HMCN2: variants seen among roughly 807,000 people sequenced by gnomAD.
HMCN2 encodes hemicentin 2.
A neutral mutation model predicts 377.5 loss-of-function variants in HMCN2; 325 were observed. The observed-to-expected ratio is 0.86, with a 90% CI of 0.79 to 0.94. The LOEUF (loss-of-function observed/expected upper bound fraction) is 0.94. HMCN2 is among the 40% of genes least tolerant of loss of function. The pLI, the probability that HMCN2 is intolerant of heterozygous loss-of-function variation, is 0.00. For missense variants in HMCN2, 4,543 were observed against 4,725.3 expected, an observed-to-expected ratio of 0.96 and a Z score of 1.13; for synonymous variants, 2,007 against 2,046.8, an observed-to-expected ratio of 0.98 and a Z score of 0.53.
At chr9:130,323,528 G>T (rs1411161498) in intron 19 of HMCN2, among the ~76,000 whole-genome samples, 1 of 152,272 alleles carries the variant, frequency 6.6e-6, no homozygotes, top group Admixed American at 6.5e-5. Flanking sequence ...AGGGAATATG[G>T]GTACCAAAAG....
chr9:130,405,274 T>C (rs2131730664), intron 81 of HMCN2, among the ~76,000 whole-genome samples: 1 of 152,332 alleles, frequency 6.6e-6, no homozygotes, highest in East Asian at 1.9e-4. Flanking sequence ...TGGACCTCGG[T>C]AGCCAGCTCC....
At chr9:130,272,956 T>A (rs1168446204) in intron 1 of HMCN2, among the ~76,000 whole-genome samples, 8 of 152,346 alleles carry the variant, frequency 5.3e-5, no homozygotes, top group Middle Eastern at 3.4e-3. Flanking sequence ...TTCCAAAAAT[T>A]TTTTTCTACT....
chr9:130,364,649 G>A, intron 40 of HMCN2, 65 bp from the exon 41 acceptor site: 1 of 881,024 alleles, frequency 1.1e-6, no homozygotes, highest in Non-Finnish European at 1.4e-6. Context: ...GACCCAGGGT[G>A]TGGCCCCTCC....
chr9:130,359,421 C>A lies in HMCN2; in HGVS notation c.5773+7C>A. 1 of 1,292,564 alleles carries A rather than the reference C, an allele frequency of 7.7e-7. No individual in the cohort carries two copies. The highest frequency in any genetic ancestry group is 1.0e-6 in the Non-Finnish European group (1 of 979,112). The allele number at this position is 1,292,564 out of a possible 1,614,324, so 80.1% of individuals were successfully genotyped here. On this transcript the variant is annotated splice_region_variant and intron_variant, in intron 37 of 97. Transcript: ENST00000683500. ...TCGGGCGTGCCCCCTCCTGGTAAGACCCCTCCTCTTGGCTGAAAGCTACTT... is the reference window on the plus strand; with the variant it reads ...TCGGGCGTGCCCCCTCCTGGTAAGAACCCTCCTCTTGGCTGAAAGCTACTT...
Position 130,349,589 on chromosome 9 carries a change from C to T in HMCN2, c.4356C>T (p.Ala1452=), listed in dbSNP as rs963725230. Residue 1452 remains alanine, a synonymous_variant, in exon 29 of 98, where the codon GCC becomes GCT. Transcript: ENST00000683500. The part of the protein sequence containing the change: ...AGAAQEVLGL[A]GADVELQCWT... ...CCGCTCAGGAGGTGCTAGGATTGGC[C>T]GGTGCAGACGTGGAGCTGCAGTGTT... 10 of 1,303,884 alleles carry T rather than the reference C, an allele frequency of 7.7e-6. No individual in the cohort carries two copies. Among genetic ancestry groups the T allele is most frequent in the African/African-American group, 4.6e-5 (3 of 65,864 alleles). 80.8% of individuals were successfully genotyped at this position (1,303,884 alleles called of 1,614,324 possible). A position where few individuals can be genotyped will look rare whatever the true frequency, so the allele number is the denominator to read the frequency against.
intron 66 of HMCN2, among the ~76,000 whole-genome samples, chr9:130,392,925 G>A (rs1046763624): frequency 2.0e-5 from 3 of 152,002 alleles, no homozygotes; most frequent in African/African-American, 7.2e-5. Flanking sequence ...GAACCCGGGA[G>A]GCGGAGCTTG....
intron 7 of HMCN2, among the ~76,000 whole-genome samples, chr9:130,298,787 T>C (rs782209978): frequency 2.0e-5 from 3 of 152,004 alleles, no homozygotes; most frequent in Non-Finnish European, 4.4e-5. Context: ...GATGCAGCCA[T>C]TGGGAAGCCG....
At chr9:130,383,812 G>A (rs1472806165) in intron 57 of HMCN2, among the ~76,000 whole-genome samples, 1 of 152,180 alleles carries the variant, frequency 6.6e-6, no homozygotes, top group Non-Finnish European at 1.5e-5. Context: ...TTTGGAGATG[G>A]CCAGGCATTA....
Position 130,357,962 on chromosome 9 carries a change from C to G in HMCN2, c.5554C>G (p.Leu1852Val), listed in dbSNP as rs1222134000. ...CCGTTGGTGGAAGGATGGTGTAGCC[C>G]TGGCAGCCTTTGGGGGGAACCTACA... ...SLRWWKDGVA[L>V]AAFGGNLQIE... The change falls in exon 35 of 98, where the codon CTG (leucine) becomes GTG (valine). Residue 1852 changes from leucine to valine, a missense_variant. By Grantham distance (32) the Leu-to-Val change is conservative. Around this residue, in one of 5 missense-constraint regions of HMCN2, gnomAD observed 1,032 missense variants for 1,285.1 expected, o/e 0.80. Coordinates refer to ENST00000683500, the MANE Select transcript of HMCN2 (RefSeq NM_001291815.2). 7.7e-7 allele frequency: 1 copy of G among 1,304,022 alleles called. No homozygotes were observed. The allele number at this position is 1,304,022 out of a possible 1,614,324, so 80.8% of individuals were successfully genotyped here.
At chr9:130,312,917 C>T (rs1837346563) in intron 15 of HMCN2, among the ~76,000 whole-genome samples, 1 of 152,084 alleles carries the variant, frequency 6.6e-6, no homozygotes, top group Non-Finnish European at 1.5e-5. Context: ...GCCTCGGCCT[C>T]CCAAAGTGCT....
chr9:130,417,535 A>C (rs954617729), intron 85 of HMCN2, among the ~76,000 whole-genome samples: 6 of 140,962 alleles, frequency 4.3e-5, no homozygotes, highest in Non-Finnish European at 9.2e-5. Context: ...AAAAAAAAAA[A>C]AACAAAAAAA....
At chr9:130,344,733 A>ATGTGTGGTGTGTGTGTG (rs1839249953) in intron 25 of HMCN2, among the ~76,000 whole-genome samples, 2 of 116,838 alleles carry the variant, frequency 1.7e-5, no homozygotes, top group African/African-American at 3.4e-5. Context: ...GTATGTGTGA[A>ATGTGTGGTGTGTGTGTG]TGTGTGGTGT....
rs781945886 is a variant in HMCN2, at chr9:130,299,273, A to G, written c.1261A>G (p.Ser421Gly). The G allele has an allele frequency of 2.1e-6, 1 of 465,314 alleles. No individual in the cohort carries two copies. The highest frequency in any genetic ancestry group is 1.6e-5 in the South Asian group (1 of 64,180). 28.8% of individuals were successfully genotyped at this position (465,314 alleles called of 1,614,324 possible). A position where few individuals can be genotyped will look rare whatever the true frequency, so the allele number is the denominator to read the frequency against. ...PLLRVSGVSY[S>G]GVAPGAPLVS... ...CCTTCGTGTCTCTGGAGTGTCCTAC[A>G]GTGGGGTGGCCCCAGGTGAGTGGTT... is the stretch of plus-strand genomic sequence containing the variant. Residue 421 changes from serine (S) to glycine (G), a missense_variant, in exon 8 of 98, where the codon AGT becomes GGT. Coordinates refer to ENST00000683500, the MANE Select transcript of HMCN2 (RefSeq NM_001291815.2).
chr9:130,394,056 G>T lies in HMCN2; in HGVS notation c.10501+48G>T, dbSNP rs1283261939. On this transcript the variant is annotated intron_variant, in intron 68 of 97. Transcript: ENST00000683500. The surrounding 1 kb of genome is among the most constrained non-coding windows in gnomAD (Gnocchi z 5.1). The stretch of plus-strand genomic sequence containing the variant: ...AGCTTCTCTGGGCTCGGGGGAGAGG[G>T]TGGGACTCTAGGGGCAATGGGAAGG... 2.5e-6 allele frequency: 3 copies of T among 1,197,096 alleles called. No individual in the cohort carries two copies. Among genetic ancestry groups the T allele is most frequent in the African/African-American group, 3.2e-5 (2 of 62,638 alleles). The allele number at this position is 1,197,096 out of a possible 1,614,324, so 74.2% of individuals were successfully genotyped here.
chr9:130,431,821 T>C (rs1227328884), intron 96 of HMCN2, among the ~76,000 whole-genome samples: 1 of 152,126 alleles, frequency 6.6e-6, no homozygotes, highest in Admixed American at 6.5e-5. Context: ...GCTAGCACAG[T>C]CCCCTCTCAG....
rs982843669 is a variant in HMCN2, at chr9:130,403,735, G to A, written c.12014-6G>A. The A allele has an allele frequency of 2.9e-4, 379 of 1,289,456 alleles. No individual in the cohort carries two copies. The highest frequency in any genetic ancestry group is 3.7e-4 in the Admixed American group (16 of 43,500). 79.9% of individuals were successfully genotyped at this position (1,289,456 alleles called of 1,614,324 possible). A position where few individuals can be genotyped will look rare whatever the true frequency, so the allele number is the denominator to read the frequency against. On this transcript the variant is annotated splice_region_variant and splice_polypyrimidine_tract_variant and intron_variant, in intron 79 of 97. Coordinates refer to ENST00000683500, the MANE Select transcript of HMCN2 (RefSeq NM_001291815.2). ...CAGGCCCCCGATTTTCTTCTTCCTC[G>A]TTCAGGAGTGAGTACCCAGGTCCTA...
chr9:130,265,972 C>A lies in HMCN2; in HGVS notation c.94C>A (p.Pro32Thr), dbSNP rs571451040. 2.5e-4 allele frequency: 117 copies of A among 467,446 alleles called. No homozygotes were observed. Among genetic ancestry groups the A allele is most frequent in the African/African-American group, 2.0e-3 (102 of 49,834 alleles). The allele number at this position is 467,446 out of a possible 1,614,324, so 29.0% of individuals were successfully genotyped here. The stretch of plus-strand genomic sequence containing the variant: ...CGGGGCGCCCGGGACGGTAATGCCC[C>A]CCACCACGGGGGACGCCACCCTGGC... ...VAGAPGTVMP[P>T]TTGDATLAFV... Residue 32 changes from proline to threonine, a missense_variant, in exon 1 of 98, where the codon CCC becomes ACC. Around this residue, in one of 5 missense-constraint regions of HMCN2, gnomAD observed 547 missense variants for 189.9 expected, o/e 2.88. Coordinates refer to ENST00000683500, the MANE Select transcript of HMCN2 (RefSeq NM_001291815.2).
intron 66 of HMCN2, among the ~76,000 whole-genome samples, chr9:130,392,964 C>A (rs968100480): frequency 1.3e-5 from 2 of 150,876 alleles, no homozygotes; most frequent in African/African-American, 4.9e-5. Flanking sequence ...CCACTGCACT[C>A]CAGCCTGGGT....
rs2131687128 is a variant in HMCN2 at position 130,394,414 on chromosome 9, C to G, written c.10531C>G (p.Pro3511Ala). 1 of 1,289,682 alleles carries G rather than the reference C, an allele frequency of 7.8e-7. No individual in the cohort carries two copies. Among genetic ancestry groups the G allele is most frequent in the South Asian group, 1.2e-5 (1 of 80,988 alleles). 79.9% of individuals were successfully genotyped at this position (1,289,682 alleles called of 1,614,324 possible). The change falls in exon 69 of 98, where the codon CCT becomes GCT. Residue 3511 changes from proline to alanine, a missense_variant. Physicochemically the swap from Pro to Ala is conservative, Grantham distance 27. Coordinates refer to ENST00000683500, the MANE Select transcript of HMCN2 (RefSeq NM_001291815.2). The surrounding 1 kb of genome is among the most constrained non-coding windows in gnomAD (Gnocchi z 5.1). ...CCCTCACATTGAGGACTCAGGCCAGCCTACAGAGCTGTCGCTGACCCCCGG... is the reference window on the plus strand; with the variant it reads ...CCCTCACATTGAGGACTCAGGCCAGGCTACAGAGCTGTCGCTGACCCCCGG... The part of the protein sequence containing the change: ...EPPHIEDSGQ[P>A]TELSLTPGAP...
Sources: allele counts gnomAD v4.1 joint callset (sites outside exome capture counted in the v4.1 genomes callset), GRCh38; gene constraint gnomAD v4.1.1; regional missense constraint gnomAD v4.1.1; non-coding constraint Gnocchi (gnomAD v3.1); transcripts MANE v1.5; gene names NCBI Gene and HGNC (gene_info 2026-07-23, HGNC 2026-07-21).